The following COL23A1 variants were observed in gnomAD, a reference collection of about 807,000 sequenced individuals.
The protein encoded by COL23A1 is collagen type XXIII alpha 1 chain.
Under a neutral mutation model 99.3 loss-of-function variants are expected in COL23A1, and 97 were observed. The ratio of observed to expected loss-of-function variants is 0.98; its 90% CI spans 0.83 to 1.16. The LOEUF (loss-of-function observed/expected upper bound fraction) is 1.16, where lower values mean the gene tolerates loss of function less well. COL23A1 is among the 50% of genes most tolerant of loss of function. The pLI, the probability that COL23A1 is intolerant of heterozygous loss-of-function variation, is 0.00. For missense variants in COL23A1, 762 were observed against 757.4 expected (o/e 1.01, Z -0.07); for synonymous variants, 320 against 308.2 (o/e 1.04, Z -0.40).
intron 2 of COL23A1, among the ~76,000 whole-genome samples, chr5:178,358,296 GTATGTATGTATGTGTGTGTATGTGTA>G (rs1761904689): frequency 7.5e-6 from 1 of 133,046 alleles, no homozygotes; most frequent in Non-Finnish European, 1.6e-5. Flanking sequence ...GTGCGTATAT[GTATGTATGTATGTGTGTGTATGTGTA>G]TGTGTATGTA....
intron 2 of COL23A1, among the ~76,000 whole-genome samples, chr5:178,337,273 T>TCTCGCCG (rs1760387188): frequency 6.6e-6 from 1 of 152,230 alleles, no homozygotes; most frequent in Admixed American, 6.5e-5. Context: ...AGAGCATGCG[T>TCTCGCCG]GTTCCTGTCC....
intron 28 of COL23A1, 60 bp downstream of exon 28, chr5:178,239,081 C>T (rs937272646): frequency 2.5e-6 from 4 of 1,586,038 alleles, no homozygotes; most frequent in Non-Finnish European, 3.5e-6. Context: ...GGGGCCCTCC[C>T]ATTCCCCCAC....
At chr5:178,569,688 G>A (rs1218731760) in intron 1 of COL23A1, among the ~76,000 whole-genome samples, 1 of 152,132 alleles carries the variant, frequency 6.6e-6, no homozygotes, top group Admixed American at 6.5e-5. Flanking sequence ...GTCAGCTGGG[G>A]GTTTCTTCCT....
At chr5:178,466,927 G>T (rs1756453461) in intron 2 of COL23A1, among the ~76,000 whole-genome samples, 1 of 152,260 alleles carries the variant, frequency 6.6e-6, no homozygotes, top group Non-Finnish European at 1.5e-5. Context: ...CTGTGTGACT[G>T]CAGGGGAAGC....
At chr5:178,270,196 C>G in intron 6 of COL23A1, 141 bp downstream of exon 6, 1 of 954,114 alleles carries the variant, frequency 1.0e-6, no homozygotes, top group African/African-American at 1.6e-5. Flanking sequence ...GATTTGAACT[C>G]AAGTCTGACA....
chr5:178,318,792 C>T (rs912468736), intron 2 of COL23A1, among the ~76,000 whole-genome samples: 3 of 151,936 alleles, frequency 2.0e-5, no homozygotes, highest in Non-Finnish European at 4.4e-5. Flanking sequence ...ACTTCAGCTA[C>T]TCGGGAGGCT....
At chr5:178,476,147 C>T (rs1324238895) in intron 2 of COL23A1, among the ~76,000 whole-genome samples, 1 of 152,148 alleles carries the variant, frequency 6.6e-6, no homozygotes, top group Non-Finnish European at 1.5e-5. Context: ...TGTTTACTGT[C>T]CCTAGTGTAA....
chr5:178,570,363 G>A (rs901907045), intron 1 of COL23A1, among the ~76,000 whole-genome samples: 8 of 151,908 alleles, frequency 5.3e-5, no homozygotes, highest in African/African-American at 9.7e-5. Context: ...TGCCTGCCTC[G>A]GCCTCCCGAA....
intron 1 of COL23A1, 119 bp from the exon 2 acceptor site, chr5:178,560,867 C>A: frequency 1.1e-6 from 1 of 940,200 alleles, no homozygotes; most frequent in African/African-American, 1.7e-5. Flanking sequence ...AGTGCTGGGG[C>A]TGTCTGTGAG....
chr5:178,544,682 G>T lies in COL23A1; in HGVS notation c.361+16000C>A, dbSNP rs1435529776. 6.6e-6 allele frequency among the ~76,000 whole-genome samples: 1 copy of T among 152,182 alleles called. No homozygotes were observed. The highest frequency in any genetic ancestry group is 1.5e-5 in the Non-Finnish European group (1 of 68,030). ...AAATGGGAGGTGACGATCAGGGGCG[G>T]TCACCTTCCAGTCCTGTAAGTGGCA... On this transcript the variant is annotated intron_variant, in intron 2 of 28. Transcript: ENST00000390654. This position sits in a 1 kb window ranked among gnomAD's most constrained non-coding sequence, Gnocchi z 4.4.
intron 2 of COL23A1, among the ~76,000 whole-genome samples, chr5:178,472,362 G>A (rs1756800184): frequency 6.6e-6 from 1 of 152,164 alleles, no homozygotes; most frequent in African/African-American, 2.4e-5. Context: ...GGGGCCCAGA[G>A]CAGGTGGATA....
intron 3 of COL23A1, among the ~76,000 whole-genome samples, chr5:178,301,904 GCA>G (rs1247312207): frequency 1.3e-5 from 2 of 149,330 alleles, no homozygotes; most frequent in East Asian, 2.0e-4. Flanking sequence ...TGTGTGCGCC[GCA>G]GCACAGCTTC....
At chr5:178,474,644 T>C (rs1439680213) in intron 2 of COL23A1, among the ~76,000 whole-genome samples, 4 of 152,232 alleles carry the variant, frequency 2.6e-5, no homozygotes, top group African/African-American at 9.6e-5. Context: ...TTTTACTAAA[T>C]AAATATTCAT....
In COL23A1 at chr5:178,510,909, C is replaced by T. The variant is rs535426447; in HGVS notation, c.361+49773G>A. Among the ~76,000 whole-genome samples the T allele has an allele frequency of 3.3e-5, 5 of 152,158 alleles. No individual in the cohort carries two copies. In the East Asian group the frequency reaches 5.8e-4, roughly 18 times the overall value. On this transcript the variant is annotated intron_variant, in intron 2 of 28. Coordinates refer to ENST00000390654, the MANE Select transcript of COL23A1 (RefSeq NM_173465.4). ...GGCACATCCATTTGACGGACTCCCA[C>T]GGAGCCATGTGAAGTCATTAGAAAG... is the stretch of plus-strand genomic sequence containing the variant.
intron 2 of COL23A1, among the ~76,000 whole-genome samples, chr5:178,369,119 G>A (rs910272334): frequency 2.6e-5 from 4 of 152,218 alleles, no homozygotes; most frequent in Non-Finnish European, 5.9e-5. Flanking sequence ...AAGCTATTCA[G>A]TGCGGGTCAG....
At chr5:178,272,529 G>A (rs1219905033) in intron 5 of COL23A1, among the ~76,000 whole-genome samples, 3 of 152,174 alleles carry the variant, frequency 2.0e-5, no homozygotes, top group Non-Finnish European at 4.4e-5. Context: ...GGGAGTGGGG[G>A]CATTCCAAAG....
intron 2 of COL23A1, among the ~76,000 whole-genome samples, chr5:178,555,918 C>T (rs1051962114): frequency 2.0e-5 from 3 of 152,182 alleles, no homozygotes; most frequent in African/African-American, 7.2e-5. Flanking sequence ...TGCGGTAAAG[C>T]CCAGCCTCTC....
intron 1 of COL23A1, among the ~76,000 whole-genome samples, chr5:178,576,361 C>T (rs148418503): frequency 0.038 from 5,786 of 152,306 alleles, 206 homozygotes; most frequent in South Asian, 0.1. Context: ...GCCTCACCCT[C>T]CCAAGTAGCT....
intron 2 of COL23A1, among the ~76,000 whole-genome samples, chr5:178,399,484 T>C (rs1267284397): frequency 6.6e-6 from 1 of 152,222 alleles, no homozygotes; most frequent in Non-Finnish European, 1.5e-5. Flanking sequence ...TGTTTGTGAC[T>C]GGGCCACCTT....
Sources: allele counts gnomAD v4.1 joint callset (sites outside exome capture counted in the v4.1 genomes callset), GRCh38; gene constraint gnomAD v4.1.1; non-coding constraint Gnocchi (gnomAD v3.1); transcripts MANE v1.5; gene names NCBI Gene and HGNC (gene_info 2026-07-23, HGNC 2026-07-21).